KCNJ6: variants seen among roughly 807,000 people sequenced by gnomAD.
The protein encoded by KCNJ6 is G protein-activated inward rectifier potassium channel 2.
Under a neutral mutation model 34.2 loss-of-function variants are expected in KCNJ6, and 9 were observed. The ratio of observed to expected loss-of-function variants is 0.26; its 90% CI spans 0.16 to 0.46. KCNJ6 has a LOEUF of 0.46. KCNJ6 is among the 20% of genes least tolerant of loss of function. The probability of loss-of-function intolerance (pLI) is 1.00; values close to 1 mark genes in which losing one functional copy is unlikely to be tolerated. For synonymous variants in KCNJ6, 196 were observed against 207.1 expected (o/e 0.95, Z 0.46); for missense variants, 236 against 531.3 (o/e 0.44, Z 5.46).
chr21:37,806,972 A>G (rs2055296678), intron 2 of KCNJ6, among the ~76,000 whole-genome samples: 1 of 152,244 alleles, frequency 6.6e-6, no homozygotes, highest in Non-Finnish European at 1.5e-5. Flanking sequence ...AGTAAATGGG[A>G]ATAACTTTCA....
In KCNJ6 at chr21:37,625,029, T is replaced by G; in HGVS notation, c.*130A>C. ...GATATTTTACACCTTGAAGATTTGT[T>G]TTCTGGTCATGTAAAAATTAAATAT... On this transcript the variant is annotated 3_prime_UTR_variant, in exon 4 of 4. Transcript: ENST00000609713. The G allele has an allele frequency of 1.4e-6, 1 of 715,770 alleles. No individual in the cohort carries two copies. The highest frequency in any genetic ancestry group is 1.8e-5 in the South Asian group (1 of 54,974). 44.3% of individuals were successfully genotyped at this position (715,770 alleles called of 1,614,324 possible). A position where few individuals can be genotyped will look rare whatever the true frequency, so the allele number is the denominator to read the frequency against.
chr21:37,730,233 G>A (rs1034909653), intron 2 of KCNJ6, among the ~76,000 whole-genome samples: 3 of 152,208 alleles, frequency 2.0e-5, no homozygotes, highest in African/African-American at 4.8e-5. Flanking sequence ...GTCTTCATAT[G>A]CAAAATAGGG....
intron 3 of KCNJ6, among the ~76,000 whole-genome samples, chr21:37,711,172 G>A (rs2054750031): frequency 6.6e-6 from 1 of 152,216 alleles, no homozygotes; most frequent in African/African-American, 2.4e-5. Flanking sequence ...CAATGCGGCT[G>A]GCATTGGAAG....
At chr21:37,753,012 A>G (rs1049339171) in intron 2 of KCNJ6, among the ~76,000 whole-genome samples, 5 of 152,176 alleles carry the variant, frequency 3.3e-5, no homozygotes, top group African/African-American at 1.2e-4. Context: ...CAAGAGTAAG[A>G]AGTGAAGAGG....
In KCNJ6 at chr21:37,806,491, T is replaced by C. The variant is rs1254635798; in HGVS notation, c.25+34167A>G. ...CACGTAGTAAATAGCAAAGCCAGAA[T>C]TCCCCCCTCCCCGGGTCTTTATGAT... is the stretch of plus-strand genomic sequence containing the variant. On this transcript the variant is annotated intron_variant, in intron 2 of 3. Transcript: ENST00000609713. Among the ~76,000 whole-genome samples, 8 of 152,264 alleles carry C rather than the reference T, an allele frequency of 5.3e-5. No individual in the cohort carries two copies. The East Asian group carries it at 7.7e-4, about 15-fold the overall frequency.
At chr21:37,635,905 TA>T (rs2054355815) in intron 3 of KCNJ6, among the ~76,000 whole-genome samples, 2 of 152,264 alleles carry the variant, frequency 1.3e-5, no homozygotes, top group South Asian at 4.1e-4. Flanking sequence ...AAAAATCACC[TA>T]ATTCCATTTT....
intron 1 of KCNJ6, among the ~76,000 whole-genome samples, chr21:37,877,903 G>T (rs1227175128): frequency 6.6e-6 from 1 of 152,226 alleles, no homozygotes; most frequent in African/African-American, 2.4e-5. Flanking sequence ...TAATTTATTT[G>T]ACATTTTGCA....
At chr21:37,805,230 T>C (rs1229453467) in intron 2 of KCNJ6, among the ~76,000 whole-genome samples, 1 of 152,112 alleles carries the variant, frequency 6.6e-6, no homozygotes, top group Non-Finnish European at 1.5e-5. Context: ...ACACACTGAA[T>C]TGTATACTTT....
intron 2 of KCNJ6, among the ~76,000 whole-genome samples, chr21:37,758,136 G>A (rs953084296): frequency 5.3e-5 from 8 of 152,184 alleles, no homozygotes; most frequent in African/African-American, 1.9e-4. Flanking sequence ...TTTCCTCTTT[G>A]TGCTCCTAGG....
chr21:37,665,210 G>A lies in KCNJ6; in HGVS notation c.947-39726C>T, dbSNP rs534433619. 4.6e-5 allele frequency among the ~76,000 whole-genome samples: 7 copies of A among 152,292 alleles called. No individual in the cohort carries two copies. In the Middle Eastern group the frequency reaches 0.01, roughly 222 times the overall value. On this transcript the variant is annotated intron_variant, in intron 3 of 3. Coordinates refer to ENST00000609713, the MANE Select transcript of KCNJ6 (RefSeq NM_002240.5). ...AGATAATGAATAGAAGTATCTTGCAGCAAGCAAGAGAAAGGTTCACTGGCA... is the reference window on the plus strand; with the variant it reads ...AGATAATGAATAGAAGTATCTTGCAACAAGCAAGAGAAAGGTTCACTGGCA...
chr21:37,758,597 A>G (rs1417723044), intron 2 of KCNJ6, among the ~76,000 whole-genome samples: 1 of 152,202 alleles, frequency 6.6e-6, no homozygotes, highest in Non-Finnish European at 1.5e-5. Flanking sequence ...GCTCTAGTAC[A>G]AATAAGCCAA....
intron 2 of KCNJ6, among the ~76,000 whole-genome samples, chr21:37,791,633 T>C (rs1382745972): frequency 6.6e-6 from 1 of 152,256 alleles, no homozygotes; most frequent in Non-Finnish European, 1.5e-5. Flanking sequence ...CTGTCTGATA[T>C]TTGAAGAGGT....
chr21:37,723,767 GAGA>G (rs1341301720), intron 2 of KCNJ6, among the ~76,000 whole-genome samples: 3 of 152,130 alleles, frequency 2.0e-5, no homozygotes, highest in African/African-American at 2.4e-5. Context: ...TACTAGAGGG[GAGA>G]AGGAGGGACG....
chr21:37,667,154 T>TAAAAAAAAAAAAAAAAAAAAAAA (rs55953891), intron 3 of KCNJ6, among the ~76,000 whole-genome samples: 2 of 39,094 alleles, frequency 5.1e-5, no homozygotes, highest in Non-Finnish European at 8.8e-5. Flanking sequence ...CAATAAATAC[T>TAAAAAAAAAAAAAAAAAAAAAAA]AAAAAAAAAA....
At chr21:37,746,924 A>G (rs959592964) in intron 2 of KCNJ6, among the ~76,000 whole-genome samples, 2 of 152,234 alleles carry the variant, frequency 1.3e-5, no homozygotes, top group Non-Finnish European at 2.9e-5. Flanking sequence ...TAAGTGCTCC[A>G]GCTACTAGAA....
At chr21:37,761,530 G>A (rs1412279743) in intron 2 of KCNJ6, among the ~76,000 whole-genome samples, 1 of 148,850 alleles carries the variant, frequency 6.7e-6, no homozygotes, top group Non-Finnish European at 1.5e-5. Flanking sequence ...TGTGTGTGTG[G>A]TGTGTGTCGT....
At position 37,826,276 on chromosome 21, in the gene KCNJ6, G is replaced by C. The variant is rs540448979; in HGVS notation, c.25+14382C>G. ...AAGTCATCCCTTGATTGATTGTGTT[G>C]TCTTTGCAATATGGAAACTGGAGCT... On this transcript the variant is annotated intron_variant, in intron 2 of 3. Transcript: ENST00000609713. 1.4e-3 allele frequency among the ~76,000 whole-genome samples: 206 copies of C among 152,204 alleles called. 1 individual carries two copies. The highest frequency in any genetic ancestry group is 4.9e-3 in the African/African-American group (203 of 41,532).
At chr21:37,708,157 C>T (rs2054731187) in intron 3 of KCNJ6, among the ~76,000 whole-genome samples, 1 of 152,148 alleles carries the variant, frequency 6.6e-6, no homozygotes, top group African/African-American at 2.4e-5. Flanking sequence ...TTGCCTTTTT[C>T]AATCACAGTA....
intron 1 of KCNJ6, among the ~76,000 whole-genome samples, chr21:37,868,118 G>A (rs2055632209): frequency 6.6e-6 from 1 of 152,182 alleles, no homozygotes; most frequent in African/African-American, 2.4e-5. Context: ...TATGTATCTG[G>A]CCATGTTGCC....
Sources: allele counts gnomAD v4.1 joint callset (sites outside exome capture counted in the v4.1 genomes callset), GRCh38; gene constraint gnomAD v4.1.1; transcripts MANE v1.5; gene names NCBI Gene and HGNC (gene_info 2026-07-23, HGNC 2026-07-21).